Variants in COL22A1 observed in about 807,000 individuals in gnomAD.
COL22A1 encodes the protein collagen alpha-1(XXII) chain.
Under a neutral mutation model 248.9 loss-of-function variants are expected in COL22A1, and 221 were observed. The observed-to-expected ratio is 0.89, with a 90% confidence interval of 0.80 to 0.99. The LOEUF (loss-of-function observed/expected upper bound fraction) is 0.99, where lower values mean the gene tolerates loss of function less well. COL22A1 is among the 50% of genes least tolerant of loss of function. The pLI is 0.00. For missense variants in COL22A1, 2,240 were observed against 2,179.0 expected (o/e 1.03, Z -0.56); for synonymous variants, 891 against 793.4 (o/e 1.12, Z -2.07).
intron 41 of COL22A1, among the ~76,000 whole-genome samples, chr8:138,667,816 C>T (rs542751492): frequency 2.6e-5 from 4 of 152,180 alleles, no homozygotes; most frequent in South Asian, 2.1e-4. Flanking sequence ...AAAGAGGCTC[C>T]ACCAGACATC....
intron 1 of COL22A1, among the ~76,000 whole-genome samples, chr8:138,895,504 C>T (rs2132129144): frequency 6.6e-6 from 1 of 151,686 alleles, no homozygotes; most frequent in African/African-American, 2.4e-5. Flanking sequence ...AAAAAAAATA[C>T]AATAACAACA....
chr8:138,694,526 C>T lies in COL22A1; in HGVS notation c.2682G>A (p.Gln894=). Residue 894 remains glutamine (Q), a synonymous_variant, in exon 34 of 65, where the codon CAG becomes CAA. Coordinates refer to ENST00000303045, the MANE Select transcript of COL22A1 (RefSeq NM_152888.3). ...LQGRPGELGP[Q]GPTGPPGAKG... ...TTCTTACCGGTGGTCCAGTGGGTCC[C>T]TGAGGCCCCAATTCTCCAGGACGGC... 1 of 1,613,960 alleles carries T rather than the reference C, an allele frequency of 6.2e-7. No homozygotes were observed. Among genetic ancestry groups the T allele is most frequent in the Non-Finnish European group, 8.5e-7 (1 of 1,179,942 alleles).
At chr8:138,885,055 G>A (rs572499058) in intron 1 of COL22A1, among the ~76,000 whole-genome samples, 51 of 152,232 alleles carry the variant, frequency 3.4e-4, no homozygotes, top group South Asian at 6.2e-4. Flanking sequence ...CAGGGGAAGC[G>A]AGCTGAATGC....
intron 11 of COL22A1, 127 bp downstream of exon 11, chr8:138,802,745 G>A: frequency 2.7e-6 from 2 of 746,792 alleles, no homozygotes; most frequent in Non-Finnish European, 2.4e-6. Context: ...TGAGGGTGGT[G>A]TGGGAGTAGT....
Position 138,598,798 on chromosome 8 carries a change from C to T in COL22A1, c.4286G>A (p.Gly1429Asp), listed in dbSNP as rs1288325892. Reference protein sequence around the residue: ...PGHKGHTGLMGPQGLPGENGP... With the variant: ...PGHKGHTGLMDPQGLPGENGP... Reference sequence around the variant, plus strand: ...ATTCTCCCCAGGTAGTCCTTGGGGACCCATCAGGCCTGTGTGGCCTTTGTG... The same window carrying T: ...ATTCTCCCCAGGTAGTCCTTGGGGATCCATCAGGCCTGTGTGGCCTTTGTG... Residue 1429 changes from glycine (G) to aspartate (D), a missense_variant, in exon 61 of 65, where the codon GGT becomes GAT. Gly to Asp is a moderately conservative substitution (Grantham distance 94). Coordinates refer to ENST00000303045, the MANE Select transcript of COL22A1 (RefSeq NM_152888.3). The T allele has an allele frequency of 6.2e-7, 1 of 1,614,134 alleles. No homozygotes were observed. Among genetic ancestry groups the T allele is most frequent in the Admixed American group, 1.7e-5 (1 of 60,018 alleles).
chr8:138,656,114 A>G (rs1040109222), intron 44 of COL22A1, among the ~76,000 whole-genome samples, 170 bp from the exon 45 acceptor site: 1 of 152,206 alleles, frequency 6.6e-6, no homozygotes, highest in African/African-American at 2.4e-5. Flanking sequence ...AGCCACAGAA[A>G]GAACACTCCT....
intron 31 of COL22A1, among the ~76,000 whole-genome samples, chr8:138,700,717 G>C (rs1827885489): frequency 6.6e-6 from 1 of 152,162 alleles, no homozygotes; most frequent in Non-Finnish European, 1.5e-5. Flanking sequence ...GGGCGCGGTG[G>C]CTCACGCCTG....
At chr8:138,884,629 A>G (rs932694440) in intron 1 of COL22A1, among the ~76,000 whole-genome samples, 1 of 152,180 alleles carries the variant, frequency 6.6e-6, no homozygotes, top group Non-Finnish European at 1.5e-5. Flanking sequence ...GGTGTTTACA[A>G]TGACCAGAGG....
chr8:138,753,605 G>C (rs1052688848), intron 21 of COL22A1, among the ~76,000 whole-genome samples: 12 of 152,194 alleles, frequency 7.9e-5, no homozygotes, highest in African/African-American at 2.9e-4. Context: ...TCTAGAAATT[G>C]CAAATGTTTG....
chr8:138,655,964 C>G lies in COL22A1; in HGVS notation c.3286-20G>C. On this transcript the variant is annotated intron_variant, in intron 44 of 64. Transcript: ENST00000303045. ...GAGGCCCTGTCAAAATAAAAAGAAACAAACACATACGTACATGCATATATA... is the reference window on the plus strand; with the variant it reads ...GAGGCCCTGTCAAAATAAAAAGAAAGAAACACATACGTACATGCATATATA... 6.3e-7 allele frequency: 1 copy of G among 1,595,398 alleles called. No homozygotes were observed. Among genetic ancestry groups the G allele is most frequent in the South Asian group, 1.1e-5 (1 of 90,464 alleles).
chr8:138,744,181 A>G (rs1831924888), intron 22 of COL22A1, among the ~76,000 whole-genome samples: 1 of 152,196 alleles, frequency 6.6e-6, no homozygotes, highest in Non-Finnish European at 1.5e-5. Flanking sequence ...CAGGAAAGAG[A>G]TTTTAGAATG....
chr8:138,724,534 C>A (rs551001767), intron 25 of COL22A1, 81 bp downstream of exon 25: 1 of 1,401,108 alleles, frequency 7.1e-7, no homozygotes, highest in Non-Finnish European at 1.0e-6. Context: ...TGGCTCTGGG[C>A]CAGCTGCAAG....
At chr8:138,845,080 T>A (rs1821146154) in intron 3 of COL22A1, among the ~76,000 whole-genome samples, 1 of 152,124 alleles carries the variant, frequency 6.6e-6, no homozygotes, top group Non-Finnish European at 1.5e-5. Flanking sequence ...TGATGGAGCT[T>A]CAGGTACAAT....
intron 55 of COL22A1, among the ~76,000 whole-genome samples, chr8:138,614,186 A>G (rs2131897673): frequency 6.6e-6 from 1 of 152,334 alleles, no homozygotes; most frequent in East Asian, 1.9e-4. Flanking sequence ...CAGGGGTTTC[A>G]GGTGGCTCCA....
chr8:138,716,836 G>T lies in COL22A1; in HGVS notation c.2389C>A (p.Pro797Thr). ...EIGEQGLAGRPGEKGEAGLPG... is the reference protein window; with the variant it reads ...EIGEQGLAGRTGEKGEAGLPG... The stretch of plus-strand genomic sequence containing the variant: ...ACAAACAAACAGACCTTCTCTCCAG[G>T]TCGGCCTGCCAGGCCCTGCTCCCCA... The change falls in exon 28 of 65, where the codon CCT becomes ACT. Residue 797 changes from proline to threonine, a missense_variant. By Grantham distance (38) the Pro-to-Thr change is conservative (BLOSUM62 -1). Transcript: ENST00000303045. The T allele has an allele frequency of 6.2e-7, 1 of 1,610,870 alleles. No individual in the cohort carries two copies. The highest frequency in any genetic ancestry group is 8.5e-7 in the Non-Finnish European group (1 of 1,177,128).
intron 63 of COL22A1, among the ~76,000 whole-genome samples, 166 bp downstream of exon 63, chr8:138,593,851 C>G (rs1463134541): frequency 3.3e-5 from 5 of 152,200 alleles, no homozygotes; most frequent in Non-Finnish European, 7.3e-5. Context: ...AGTATGAAAG[C>G]CTCTTATGCA....
intron 16 of COL22A1, among the ~76,000 whole-genome samples, chr8:138,775,164 C>G (rs1289528768): frequency 2.6e-5 from 4 of 152,224 alleles, no homozygotes; most frequent in African/African-American, 9.6e-5. Context: ...GCGAGAGGGC[C>G]TAGCCCCAGC....
intron 1 of COL22A1, among the ~76,000 whole-genome samples, chr8:138,889,941 A>G (rs2132105127): frequency 6.6e-6 from 1 of 152,368 alleles, no homozygotes; most frequent in East Asian, 1.9e-4. Flanking sequence ...AGACAGAACT[A>G]AAGACCAATA....
At chr8:138,626,343 GTGTT>G (rs1294496943) in intron 50 of COL22A1, 100 bp from the exon 51 acceptor site, 2 of 954,016 alleles carry the variant, frequency 2.1e-6, no homozygotes, top group East Asian at 2.4e-5. Context: ...GGGGGAGTGA[GTGTT>G]TGGTGAGAAA....
Sources: gnomAD v4.1 joint callset for allele counts (sites outside exome capture counted in the v4.1 genomes callset) on GRCh38, gnomAD v4.1.1 for gene constraint, MANE v1.5 for transcripts, NCBI Gene and HGNC (gene_info 2026-07-23, HGNC 2026-07-21) for gene names.